CAPN9: variants seen among roughly 807,000 people sequenced by gnomAD.
CAPN9 encodes the protein calpain 9.
CAPN9 carries 81 observed loss-of-function variants against 92.8 expected under a neutral mutation model. The observed-to-expected ratio is 0.87, with a 90% CI of 0.73 to 1.05. CAPN9 has a LOEUF of 1.05. Among genes scored for constraint, CAPN9 ranks in the 50% least tolerant of loss-of-function variants. CAPN9 has a pLI of 0.00. For synonymous variants in CAPN9, 304 were observed against 328.0 expected (o/e 0.93, Z 0.79); for missense variants, 848 against 866.2 (o/e 0.98, Z 0.26).
intron 12 of CAPN9, 124 bp from the exon 13 acceptor site, chr1:230,787,398 T>C (rs1667674021): frequency 2.8e-6 from 2 of 724,484 alleles, no homozygotes; most frequent in East Asian, 2.7e-5. Flanking sequence ...ACGCAGCTTG[T>C]GCACACTGCC....
intron 7 of CAPN9, among the ~76,000 whole-genome samples, chr1:230,772,740 A>G (rs1371441975): frequency 1.7e-5 from 2 of 116,728 alleles, no homozygotes; most frequent in East Asian, 2.6e-4. Context: ...TGTTGACCCC[A>G]TCTCTTTTTT....
At chr1:230,792,014 C>T in intron 15 of CAPN9, 86 bp downstream of exon 15, 1 of 960,610 alleles carries the variant, frequency 1.0e-6, no homozygotes, top group South Asian at 1.4e-5. Context: ...GCAGACTCTC[C>T]AAGAACATGA....
At chr1:230,789,011 A>C (rs897365420) in intron 13 of CAPN9, among the ~76,000 whole-genome samples, 1 of 152,138 alleles carries the variant, frequency 6.6e-6, no homozygotes, top group Non-Finnish European at 1.5e-5. Context: ...ACTTGGGCAC[A>C]TGGCTCCATT....
At chr1:230,794,089 T>G (rs1668184048) in intron 17 of CAPN9, among the ~76,000 whole-genome samples, 1 of 152,184 alleles carries the variant, frequency 6.6e-6, no homozygotes, top group African/African-American at 2.4e-5. Flanking sequence ...AGAAAGACCC[T>G]GGGTGGATTT....
chr1:230,757,011 TGGAAGGAAGGAAGGAAGGAA>T (rs1185102067), intron 2 of CAPN9, among the ~76,000 whole-genome samples: 5 of 85,190 alleles, frequency 5.9e-5, no homozygotes, highest in South Asian at 7.6e-4. Flanking sequence ...GGAGGGAGGA[TGGAAGGAAGGAAGGAAGGAA>T]GGAAGGAAGG....
At chr1:230,797,853 A>T (rs1028365692) in intron 18 of CAPN9, among the ~76,000 whole-genome samples, 1 of 152,138 alleles carries the variant, frequency 6.6e-6, no homozygotes, top group Non-Finnish European at 1.5e-5. Flanking sequence ...ATGGATTTCA[A>T]GGGCCCTGTA....
chr1:230,800,231 GAAGA>G (rs56677043), intron 19 of CAPN9, among the ~76,000 whole-genome samples: 7,798 of 50,456 alleles, frequency 0.15, 366 homozygotes, highest in East Asian at 0.19. Context: ...AAGAAAGAAA[GAAGA>G]AAGAAAGAAA....
intron 4 of CAPN9, 71 bp from the exon 5 acceptor site, chr1:230,767,470 C>G (rs1666062615): frequency 7.6e-7 from 1 of 1,320,560 alleles, no homozygotes; most frequent in Non-Finnish European, 1.0e-6. Context: ...TAGAAAAGCT[C>G]TGAAAGCAGG....
chr1:230,764,261 T>C (rs1665825607), intron 4 of CAPN9, among the ~76,000 whole-genome samples: 1 of 152,188 alleles, frequency 6.6e-6, no homozygotes, highest in Admixed American at 6.5e-5. Context: ...CATTATTCAG[T>C]TTGCTAAAGA....
chr1:230,790,315 T>G (rs1667895297), intron 14 of CAPN9, 126 bp downstream of exon 14: 1 of 1,380,518 alleles, frequency 7.2e-7, no homozygotes, highest in Non-Finnish European at 9.4e-7. Context: ...TAGGTAGACT[T>G]TAAAAATAGC....
Position 230,755,390 on chromosome 1 carries a change from CT to C in CAPN9, c.268del (p.Cys90AlafsTer11). 6.2e-7 allele frequency: 1 copy of C among 1,607,670 alleles called. No homozygotes were observed. Among genetic ancestry groups the C allele is most frequent in the Non-Finnish European group, 8.5e-7 (1 of 1,177,374 alleles). ...TTGGAGGGGCCACCAGGACTGATAT[CT>C]GCCAGGGAGAGCTGGGTGAGTGTAA... ...ILGGATRTDI[C>X]QGELGDCWLL... On this transcript the variant is annotated frameshift_variant, in exon 2 of 20. Transcript: ENST00000271971. LOFTEE classifies it high-confidence loss of function.
intron 1 of CAPN9, among the ~76,000 whole-genome samples, chr1:230,754,084 T>TGGGTG (rs1665047572): frequency 7.1e-6 from 1 of 140,876 alleles, no homozygotes; most frequent in East Asian, 2.1e-4. Context: ...GTGGGCGCCG[T>TGGGTG]GGGTGAGGCC....
rs760374979 is a variant in CAPN9 at position 230,759,615 on chromosome 1, G to T, written c.387G>T (p.Gly129=). Residue 129 remains glycine, a synonymous_variant, in exon 3 of 20, where the codon GGG becomes GGT. Transcript: ENST00000271971. ...AAAGCTTTGGCCCTGGTTATGCCGG[G>T]ATATTCCATTTCCAGGTAAGAGGGA... is the stretch of plus-strand genomic sequence containing the variant. ...QDQSFGPGYA[G]IFHFQFWQHS... 3 of 1,605,246 alleles carry T rather than the reference G, an allele frequency of 1.9e-6. No individual in the cohort carries two copies. Among genetic ancestry groups the T allele is most frequent in the Non-Finnish European group, 2.5e-6 (3 of 1,177,004 alleles).
At chr1:230,754,085 G>C (rs1334465491) in intron 1 of CAPN9, among the ~76,000 whole-genome samples, 1 of 152,032 alleles carries the variant, frequency 6.6e-6, no homozygotes, top group African/African-American at 2.4e-5. Flanking sequence ...TGGGCGCCGT[G>C]GGTGAGGCCA....
chr1:230,794,748 C>T (rs762818586), intron 17 of CAPN9, among the ~76,000 whole-genome samples: 1 of 152,166 alleles, frequency 6.6e-6, no homozygotes, highest in African/African-American at 2.4e-5. Flanking sequence ...TGGAAGTGAC[C>T]TGAGACATAG....
At chr1:230,767,823 A>T (rs894444823) in intron 5 of CAPN9, 114 bp downstream of exon 5, 11 of 944,558 alleles carry the variant, frequency 1.2e-5, no homozygotes, top group Non-Finnish European at 1.7e-5. Flanking sequence ...GAGGGGCATA[A>T]CTCTTGGGGG....
chr1:230,774,744 T>A, intron 8 of CAPN9, 113 bp downstream of exon 8: 1 of 578,308 alleles, frequency 1.7e-6, no homozygotes, highest in Non-Finnish European at 2.9e-6. Context: ...TCTTTCTTTT[T>A]TTTTTTTTTT....
In CAPN9 at chr1:230,772,098, A is replaced by T. The variant is rs1054784013; in HGVS notation, c.874A>T (p.Ser292Cys). The T allele has an allele frequency of 3.7e-6, 6 of 1,613,834 alleles. No homozygotes were observed. In the African/African-American group the frequency reaches 5.3e-5, roughly 14 times the overall value. ...QVEWNGSWSDSSPEWRSVGPA... is the reference protein window; with the variant it reads ...QVEWNGSWSDCSPEWRSVGPA... The stretch of plus-strand genomic sequence containing the variant: ...TGAGTGGAACGGGTCGTGGAGCGAC[A>T]GGTCAGTCACCCTATCCTGCCTCTC... The change falls in exon 7 of 20, where the codon AGT becomes TGT. Residue 292 changes from serine (S) to cysteine (C), a missense_variant and splice_region_variant. Coordinates refer to ENST00000271971, the MANE Select transcript of CAPN9 (RefSeq NM_006615.3).
intron 1 of CAPN9, chr1:230,752,663 C>T (rs1311341992): frequency 4.1e-6 from 4 of 985,040 alleles, no homozygotes; most frequent in Non-Finnish European, 4.8e-6. Context: ...GGAGCTAGCA[C>T]AGCCTGCTGG....
Sources: gnomAD v4.1 joint callset for allele counts (sites outside exome capture counted in the v4.1 genomes callset) on GRCh38, gnomAD v4.1.1 for gene constraint, MANE v1.5 for transcripts, NCBI Gene and HGNC (gene_info 2026-07-23, HGNC 2026-07-21) for gene names.